Variants in ZBBX observed in about 807,000 individuals in gnomAD.
ZBBX encodes zinc finger B-box domain-containing protein 1.
A neutral mutation model predicts 108.5 loss-of-function variants in ZBBX; 101 were observed. That is an observed-to-expected ratio of 0.93 (90% confidence interval 0.79 to 1.10). ZBBX has a LOEUF of 1.10. ZBBX is among the 50% of genes least tolerant of loss of function. The pLI is 0.00. For missense variants in ZBBX, 1,009 were observed against 941.4 expected (o/e 1.07, Z -0.94); for synonymous variants, 356 against 323.4 (o/e 1.10, Z -1.08).
At chr3:167,300,254 A>G (rs1042107552) in intron 17 of ZBBX, among the ~76,000 whole-genome samples, 2 of 152,182 alleles carry the variant, frequency 1.3e-5, no homozygotes, top group Non-Finnish European at 2.9e-5. Flanking sequence ...TATTCCTGAA[A>G]AAACTTCAAA....
At chr3:167,203,564 C>T in the ZBBX span, among the ~76,000 whole-genome samples, 1 of 151,706 alleles carries the variant, frequency 6.6e-6, no homozygotes, top group Non-Finnish European at 1.5e-5. Context: ...TTTTTTTCTC[C>T]TTATATTCTT....
chr3:167,187,797 A>C, the ZBBX span, among the ~76,000 whole-genome samples: 1 of 152,190 alleles, frequency 6.6e-6, no homozygotes, highest in Non-Finnish European at 1.5e-5. Context: ...TTGGAGTTGG[A>C]CATAACACTG....
At chr3:167,181,836 G>T in the ZBBX span, among the ~76,000 whole-genome samples, 1 of 152,100 alleles carries the variant, frequency 6.6e-6, no homozygotes, top group Admixed American at 6.5e-5. Flanking sequence ...TAATCCTACT[G>T]TCCCCGCTGG....
At chr3:167,268,827 G>T (rs1726030757) in intron 20 of ZBBX, among the ~76,000 whole-genome samples, 1 of 152,136 alleles carries the variant, frequency 6.6e-6, no homozygotes, top group Non-Finnish European at 1.5e-5. Flanking sequence ...AAACTTGGTG[G>T]AACCAAATCC....
intron 6 of ZBBX, among the ~76,000 whole-genome samples, chr3:167,363,137 A>G (rs1026108486): frequency 6.6e-6 from 1 of 151,918 alleles, no homozygotes; most frequent in African/African-American, 2.4e-5. Flanking sequence ...CAATCACCTT[A>G]TCTCTTCCTT....
intron 8 of ZBBX, among the ~76,000 whole-genome samples, chr3:167,352,934 T>TA (rs1319120647): frequency 6.6e-6 from 1 of 152,100 alleles, no homozygotes; most frequent in Non-Finnish European, 1.5e-5. Flanking sequence ...CACTCCATGA[T>TA]AAAAACCCTC....
intron 4 of ZBBX, among the ~76,000 whole-genome samples, chr3:167,370,051 A>G (rs1248159106): frequency 1.3e-5 from 2 of 152,232 alleles, no homozygotes; most frequent in Non-Finnish European, 2.9e-5. Context: ...AACAATGAGG[A>G]TCATTAAAGG....
chr3:167,385,005 T>A (rs1310544784), upstream of ZBBX, among the ~76,000 whole-genome samples: 1 of 152,068 alleles, frequency 6.6e-6, no homozygotes, highest in Non-Finnish European at 1.5e-5. Context: ...ATGGAGTCTT[T>A]AGAAAGTCAG....
intron 20 of ZBBX, among the ~76,000 whole-genome samples, chr3:167,255,470 A>G (rs1329431154): frequency 1.3e-5 from 2 of 152,124 alleles, no homozygotes; most frequent in African/African-American, 4.8e-5. Context: ...AAAACTTTAC[A>G]AAACAAGAAA....
chr3:167,251,185 C>T lies in ZBBX; in HGVS notation c.2255-8542G>A, dbSNP rs1344325575. ...GGGAAATACCATCTCCCTTCTGGCT[C>T]CCCCAGTGGTGGTGAGCTACTTCTA... On this transcript the variant is annotated intron_variant, in intron 20 of 21. Coordinates refer to ENST00000675490, the MANE Select transcript of ZBBX (RefSeq NM_001199201.2). Among the ~76,000 whole-genome samples, 12 of 152,238 alleles carry T rather than the reference C, an allele frequency of 7.9e-5. No homozygotes were observed. In the East Asian group the frequency reaches 1.2e-3, roughly 15 times the overall value.
At chr3:167,324,632 T>G (rs1159711906) in intron 11 of ZBBX, among the ~76,000 whole-genome samples, 1 of 152,116 alleles carries the variant, frequency 6.6e-6, no homozygotes, top group Admixed American at 6.6e-5. Context: ...GAAACACTGA[T>G]CACTACTCCT....
the ZBBX span, among the ~76,000 whole-genome samples, chr3:167,219,345 T>C: frequency 6.6e-6 from 1 of 151,992 alleles, no homozygotes; most frequent in African/African-American, 2.4e-5. Flanking sequence ...TACTACCACA[T>C]AAATTATTTT....
Position 167,315,703 on chromosome 3 carries a change from C to T in ZBBX, c.1274+47G>A, listed in dbSNP as rs375745111. 12 of 1,313,926 alleles carry T rather than the reference C, an allele frequency of 9.1e-6. No homozygotes were observed. The African/African-American group carries it at 1.8e-4, about 19-fold the overall frequency. 81.4% of individuals were successfully genotyped at this position (1,313,926 alleles called of 1,614,324 possible). A position where few individuals can be genotyped will look rare whatever the true frequency, so the allele number is the denominator to read the frequency against. The stretch of plus-strand genomic sequence containing the variant: ...AAGACAGATGATTTTGTGTGTGTGT[C>T]AGGAGGGGGCTCAATATGCACACAA... On this transcript the variant is annotated intron_variant, in intron 15 of 21. Transcript: ENST00000675490.
At chr3:167,378,856 C>T (rs1747369013) in intron 2 of ZBBX, among the ~76,000 whole-genome samples, 1 of 152,164 alleles carries the variant, frequency 6.6e-6, no homozygotes, top group Admixed American at 6.5e-5. Flanking sequence ...TCCATCGAAA[C>T]CGAGCTTCTC....
chr3:167,213,920 A>G, the ZBBX span, among the ~76,000 whole-genome samples: 1 of 152,196 alleles, frequency 6.6e-6, no homozygotes, highest in South Asian at 2.1e-4. Flanking sequence ...CAAGAATCTT[A>G]TATCCAGCCA....
At position 167,305,677 on chromosome 3, in the gene ZBBX, C is replaced by T; in HGVS notation, c.1691G>A (p.Ser564Asn). ...CTTTGTAGTTTTTGATTCTTCAAAG[C>T]TTGGCCTCTTATACAGATTGCTCAA... is the stretch of plus-strand genomic sequence containing the variant. ...LELSNLYKRP[S>N]FEESKTTKSS... Residue 564 changes from serine to asparagine, a missense_variant, in exon 17 of 22, where the codon AGC becomes AAC. Coordinates refer to ENST00000675490, the MANE Select transcript of ZBBX (RefSeq NM_001199201.2). 6.3e-7 allele frequency: 1 copy of T among 1,583,322 alleles called. No individual in the cohort carries two copies. The highest frequency in any genetic ancestry group is 8.6e-7 in the Non-Finnish European group (1 of 1,168,442).
the ZBBX span, among the ~76,000 whole-genome samples, chr3:167,184,513 A>G: frequency 6.6e-6 from 1 of 152,148 alleles, no homozygotes; most frequent in Admixed American, 6.5e-5. Context: ...GTATCTACCC[A>G]AGTGAAATGA....
At chr3:167,371,063 A>G (rs900632949) in intron 4 of ZBBX, among the ~76,000 whole-genome samples, 6 of 152,144 alleles carry the variant, frequency 3.9e-5, no homozygotes, top group African/African-American at 1.4e-4. Context: ...ACAGGCTTGG[A>G]ACACGGAAAA....
At chr3:167,290,889 G>A (rs531178123) in intron 18 of ZBBX, among the ~76,000 whole-genome samples, 158 of 152,144 alleles carry the variant, frequency 1.0e-3, no homozygotes, top group African/African-American at 3.6e-3. Flanking sequence ...GAAAAACACA[G>A]CACAAGAACT....
Sources: gnomAD v4.1 joint callset for allele counts (sites outside exome capture counted in the v4.1 genomes callset) on GRCh38, gnomAD v4.1.1 for gene constraint, MANE v1.5 for transcripts, NCBI Gene and HGNC (gene_info 2026-07-23, HGNC 2026-07-21) for gene names.